SLC15A1: variants seen among roughly 807,000 people sequenced by gnomAD.
SLC15A1 encodes the protein solute carrier family 15 member 1, also known as Caco-2 oligopeptide transporter.
In SLC15A1, 83 loss-of-function variants were observed where a neutral mutation model predicts 92.9. That is an observed-to-expected ratio of 0.89 (90% CI 0.75 to 1.07). The LOEUF is 1.07. SLC15A1 is among the 50% of genes least tolerant of loss of function. The probability of loss-of-function intolerance (pLI) is 0.00; values close to 1 mark genes in which losing one functional copy is unlikely to be tolerated. For synonymous variants in SLC15A1, 322 were observed against 318.2 expected, an observed-to-expected ratio of 1.01 and a Z score of -0.13; for missense variants, 857 against 880.1, an observed-to-expected ratio of 0.97 and a Z score of 0.33.
rs145078867 is a variant in SLC15A1, at chr13:98,726,370, C to T, written c.101G>A (p.Arg34Gln). 1.1e-5 allele frequency: 18 copies of T among 1,614,158 alleles called. No individual in the cohort carries two copies. The highest frequency in any genetic ancestry group is 2.2e-5 in the East Asian group (1 of 44,886). ...TGAGAAACGGCCAATACAGTTACCT[C>T]GCATTCCATAGTAGGAAAATCTTTC... ...FCERFSYYGM[R>Q]AILILYFTNF... The change falls in exon 3 of 23, where the codon CGA becomes CAA. Residue 34 changes from arginine (R) to glutamine (Q), a missense_variant and splice_region_variant. By Grantham distance (43) the Arg-to-Gln change is conservative (BLOSUM62 1). Coordinates refer to ENST00000376503, the MANE Select transcript of SLC15A1 (RefSeq NM_005073.4).
intron 8 of SLC15A1, among the ~76,000 whole-genome samples, chr13:98,718,356 A>G (rs939288632): frequency 3.6e-5 from 4 of 111,734 alleles, no homozygotes; most frequent in African/African-American, 1.5e-4. Flanking sequence ...GTCTTGCTCT[A>G]TCATCCAGGT....
At chr13:98,739,892 T>C (rs577757964) in intron 1 of SLC15A1, among the ~76,000 whole-genome samples, 6 of 142,992 alleles carry the variant, frequency 4.2e-5, no homozygotes, top group Middle Eastern at 6.9e-3. Context: ...TGAGTATGGA[T>C]GGACATTTAG....
At chr13:98,686,338 C>T (rs1174877361) in intron 21 of SLC15A1, 41 bp from the exon 22 acceptor site, 2 of 1,401,476 alleles carry the variant, frequency 1.4e-6, no homozygotes, top group Middle Eastern at 3.5e-4. Flanking sequence ...CCAGGTCTCA[C>T]CCTCCGAGCA....
intron 10 of SLC15A1, 51 bp from the exon 11 acceptor site, chr13:98,711,994 C>T (rs2088167453): frequency 7.5e-7 from 1 of 1,336,532 alleles, no homozygotes; most frequent in Non-Finnish European, 1.1e-6. Flanking sequence ...GTGTCCTGTG[C>T]CACTCACGGC....
intron 4 of SLC15A1, 23 bp downstream of exon 4, chr13:98,726,100 A>G (rs2088296240): frequency 6.2e-7 from 1 of 1,611,182 alleles, no homozygotes; most frequent in Non-Finnish European, 8.5e-7. Flanking sequence ...TTGTTTGTGA[A>G]CAAGAAATTT....
At chr13:98,717,450 C>T (rs1412524484) in intron 8 of SLC15A1, among the ~76,000 whole-genome samples, 2 of 152,152 alleles carry the variant, frequency 1.3e-5, no homozygotes, top group East Asian at 1.9e-4. Flanking sequence ...GTTCTCAATT[C>T]CTCCAGAAGA....
rs528865683 is a variant in SLC15A1, at chr13:98,692,136, CTTTTTTTTTT to C, written c.1467-3569_1467-3560del. ...AGGAGTCCCCCTCTCTTCTCCTAAA[CTTTTTTTTTT>C]TTTTTTTTTTTTTTTTTTTTTTTTT... On this transcript the variant is annotated intron_variant, in intron 18 of 22. Coordinates refer to ENST00000376503, the MANE Select transcript of SLC15A1 (RefSeq NM_005073.4). 2.2e-3 allele frequency among the ~76,000 whole-genome samples: 148 copies of C among 67,626 alleles called. 4 individuals are homozygous for C. In the East Asian group the frequency reaches 0.025, roughly 11 times the overall value. The allele number at this position is 67,626 out of a possible 152,430, so 44.4% of individuals were successfully genotyped here. A position where few individuals can be genotyped will look rare whatever the true frequency, so the allele number is the denominator to read the frequency against.
rs2087907090 is a variant in SLC15A1 at position 98,683,836 on chromosome 13, T to C, written c.*888A>G. ...AAATTTATTTCACACCATTGAAACT[T>C]CAAAAAAATCATTACTGGCCTTCAC... On this transcript the variant is annotated 3_prime_UTR_variant, in exon 23 of 23. Transcript: ENST00000376503. 6.6e-6 allele frequency: 1 copy of C among 152,146 alleles called. No homozygotes were observed. The highest frequency in any genetic ancestry group is 1.5e-5 in the Non-Finnish European group (1 of 68,022). 9.4% of individuals were successfully genotyped at this position (152,146 alleles called of 1,614,324 possible). A position where few individuals can be genotyped will look rare whatever the true frequency, so the allele number is the denominator to read the frequency against.
chr13:98,688,473 C>T lies in SLC15A1; in HGVS notation c.1571G>A (p.Gly524Asp), dbSNP rs143400114. 1.4e-4 allele frequency: 219 copies of T among 1,613,374 alleles called. No individual in the cohort carries two copies. The highest frequency in any genetic ancestry group is 1.8e-4 in the Non-Finnish European group (209 of 1,179,670). ...NASTYQFFPS[G>D]IKGFTISSTE... ...AGCATTCAGTCTCGGTACTTACATG[C>T]CAGAAGGAAAAAACTGGTATGTGCT... The change falls in exon 19 of 23, where the codon GGC becomes GAC. Residue 524 changes from glycine (G) to aspartate (D), a missense_variant. Transcript: ENST00000376503.
At chr13:98,688,204 C>A (rs375962886) in intron 20 of SLC15A1, 44 bp downstream of exon 20, 5 of 1,272,188 alleles carry the variant, frequency 3.9e-6, no homozygotes, top group South Asian at 1.2e-5. Context: ...TCATATCAAT[C>A]GAGTATGAGC....
Position 98,726,389 on chromosome 13 carries a change from A to T in SLC15A1, c.82T>A (p.Phe28Ile). 2 of 1,614,204 alleles carry T rather than the reference A, an allele frequency of 1.2e-6. No individual in the cohort carries two copies. The highest frequency in any genetic ancestry group is 1.7e-6 in the Non-Finnish European group (2 of 1,180,040). ...FIVVNEFCERFSYYGMRAILI... is the reference protein window; with the variant it reads ...FIVVNEFCERISYYGMRAILI... ...TTACCTCGCATTCCATAGTAGGAAA[A>T]TCTTTCGCAAAACTCATTGACCACG... Residue 28 changes from phenylalanine to isoleucine, a missense_variant, in exon 3 of 23, where the codon TTT (phenylalanine) becomes ATT (isoleucine). Physicochemically the swap from Phe to Ile is conservative, Grantham distance 21. Transcript: ENST00000376503.
In SLC15A1 at chr13:98,721,477, C is replaced by T; in HGVS notation, c.556+18G>A. On this transcript the variant is annotated intron_variant, in intron 7 of 22. Coordinates refer to ENST00000376503, the MANE Select transcript of SLC15A1 (RefSeq NM_005073.4). ...ACTAAAAAAAGACCAACAGAAGTTCCTTTCAGGTATCTCTTACCTCTGAGC... is the reference window on the plus strand; with the variant it reads ...ACTAAAAAAAGACCAACAGAAGTTCTTTTCAGGTATCTCTTACCTCTGAGC... 2 of 1,586,780 alleles carry T rather than the reference C, an allele frequency of 1.3e-6. No individual in the cohort carries two copies. Among genetic ancestry groups the T allele is most frequent in the Non-Finnish European group, 1.7e-6 (2 of 1,155,550 alleles).
intron 18 of SLC15A1, among the ~76,000 whole-genome samples, chr13:98,701,753 C>A (rs1417975511): frequency 1.3e-5 from 2 of 151,582 alleles, no homozygotes; most frequent in African/African-American, 4.8e-5. Flanking sequence ...TCACTGCAAC[C>A]CCCGTCTACC....
At chr13:98,727,386 C>T (rs756286117) in intron 1 of SLC15A1, among the ~76,000 whole-genome samples, 14 of 152,212 alleles carry the variant, frequency 9.2e-5, no homozygotes, top group Non-Finnish European at 1.8e-4. Flanking sequence ...CATCACCATA[C>T]TGTAATGATG....
At chr13:98,738,263 G>A (rs962530681) in intron 1 of SLC15A1, among the ~76,000 whole-genome samples, 4 of 152,236 alleles carry the variant, frequency 2.6e-5, no homozygotes, top group African/African-American at 9.6e-5. Context: ...GAAAGAAAAT[G>A]CTTTTTCAGC....
intron 9 of SLC15A1, among the ~76,000 whole-genome samples, chr13:98,714,732 T>A (rs1435339757): frequency 6.6e-6 from 1 of 150,964 alleles, no homozygotes; most frequent in Non-Finnish European, 1.5e-5. Flanking sequence ...AAGTAAGTGA[T>A]CTAAAATTAT....
Position 98,688,594 on chromosome 13 carries a change from T to C in SLC15A1, c.1467-17A>G, listed in dbSNP as rs1473943494. The C allele has an allele frequency of 6.3e-7, 1 of 1,581,982 alleles. No homozygotes were observed. The highest frequency in any genetic ancestry group is 1.7e-5 in the Admixed American group (1 of 59,934). On this transcript the variant is annotated splice_polypyrimidine_tract_variant and intron_variant, in intron 18 of 22. Coordinates refer to ENST00000376503, the MANE Select transcript of SLC15A1 (RefSeq NM_005073.4). Reference sequence around the variant, plus strand: ...TTTACAAATCTGAAACAGAAAACCATCTGTCTTGTAACTGAACTAGAGAAT... The same window carrying C: ...TTTACAAATCTGAAACAGAAAACCACCTGTCTTGTAACTGAACTAGAGAAT...
Position 98,684,841 on chromosome 13 carries a change from A to G in SLC15A1, c.2010T>C (p.Tyr670=). 3 of 1,614,166 alleles carry G rather than the reference A, an allele frequency of 1.9e-6. No homozygotes were observed. Among genetic ancestry groups the G allele is most frequent in the Non-Finnish European group, 2.5e-6 (3 of 1,180,016 alleles). The change falls in exon 23 of 23, where the codon TAT becomes TAC. Residue 670 remains tyrosine, a synonymous_variant. Transcript: ENST00000376503. ...CVIFAIMARF[Y]TYINPAEIEA... is the part of the protein sequence containing the mutation. Reference sequence around the variant, plus strand: ...CGATCTCCGCTGGGTTGATGTAAGTATAGAACCGAGCCATGATGGCAAAAA... The same window carrying G: ...CGATCTCCGCTGGGTTGATGTAAGTGTAGAACCGAGCCATGATGGCAAAAA...
chr13:98,704,449 GAAAGAGGC>G lies in SLC15A1; in HGVS notation c.1270-22_1270-15del. The G allele has an allele frequency of 1.2e-6, 2 of 1,606,932 alleles. No homozygotes were observed. Among genetic ancestry groups the G allele is most frequent in the Non-Finnish European group, 1.7e-6 (2 of 1,176,566 alleles). The stretch of plus-strand genomic sequence containing the variant: ...AAATGCATTTGTCTATAGAGGGAGG[GAAAGAGGC>G]ATAGTTAATATCACAGAGTCTCGGC... On this transcript the variant is annotated splice_polypyrimidine_tract_variant and intron_variant, in intron 16 of 22. Transcript: ENST00000376503.
Sources: gnomAD v4.1 joint callset for allele counts (sites outside exome capture counted in the v4.1 genomes callset) on GRCh38, gnomAD v4.1.1 for gene constraint, MANE v1.5 for transcripts, NCBI Gene and HGNC (gene_info 2026-07-23, HGNC 2026-07-21) for gene names.